Variants in WWOX observed in about 807,000 individuals in gnomAD.
The protein encoded by WWOX is WW domain containing oxidoreductase.
Under a neutral mutation model 46.2 loss-of-function variants are expected in WWOX, and 69 were observed. The observed-to-expected ratio is 1.49, with a 90% confidence interval of 1.23 to 1.82. The LOEUF is 1.82. Ranked by LOEUF, WWOX falls within the 40% of genes most tolerant of loss-of-function variation. The pLI, the probability that WWOX is intolerant of heterozygous loss-of-function variation, is 0.00. For synonymous variants in WWOX, 359 were observed against 202.6 expected, an observed-to-expected ratio of 1.77 and a Z score of -6.56; for missense variants, 919 against 542.6, an observed-to-expected ratio of 1.69 and a Z score of -6.89.
intron 1 of WWOX, among the ~76,000 whole-genome samples, chr16:78,107,921 G>GATTT (rs908591596): frequency 2.2e-4 from 33 of 151,986 alleles, no homozygotes; most frequent in East Asian, 5.8e-4. Context: ...AATGCCTCTA[G>GATTT]ATTTATTTAT....
At chr16:78,345,575 G>C (rs1174261534) in intron 5 of WWOX, among the ~76,000 whole-genome samples, 1 of 92,020 alleles carries the variant, frequency 1.1e-5, no homozygotes, top group East Asian at 2.1e-4. Flanking sequence ...GGGAAGTCAA[G>C]GCTACAGTGA....
At chr16:79,129,153 C>T (rs571510483) in intron 8 of WWOX, among the ~76,000 whole-genome samples, 76 of 151,876 alleles carry the variant, frequency 5.0e-4, no homozygotes, top group Non-Finnish European at 1.0e-3. Flanking sequence ...TCTCAGTAGG[C>T]ACTGTTCAAG....
intron 8 of WWOX, among the ~76,000 whole-genome samples, chr16:79,040,327 T>C (rs1036192273): frequency 6.8e-6 from 1 of 147,580 alleles, no homozygotes; most frequent in Non-Finnish European, 1.5e-5. Flanking sequence ...CAGACTGGAG[T>C]GCGGTGGTGC....
At chr16:79,006,506 CT>C (rs1049594059) in intron 8 of WWOX, among the ~76,000 whole-genome samples, 432 of 146,570 alleles carry the variant, frequency 2.9e-3, no homozygotes, top group Admixed American at 6.4e-3. Flanking sequence ...CTGAGTTACG[CT>C]TTTTTTTTTT....
intron 5 of WWOX, among the ~76,000 whole-genome samples, chr16:78,330,128 TGCCTAAAC>T (rs1289097941): frequency 6.6e-6 from 1 of 152,164 alleles, no homozygotes; most frequent in Non-Finnish European, 1.5e-5. Context: ...AATACCTAAA[TGCCTAAAC>T]GTTTGAAAAC....
intron 8 of WWOX, among the ~76,000 whole-genome samples, chr16:78,985,430 C>G (rs2046765648): frequency 6.6e-6 from 1 of 152,100 alleles, no homozygotes. Context: ...ACATCTCTGG[C>G]TAGTACAGAT....
chr16:78,418,431 G>A (rs1235535013), intron 6 of WWOX, among the ~76,000 whole-genome samples: 1 of 151,594 alleles, frequency 6.6e-6, no homozygotes, highest in Non-Finnish European at 1.5e-5. Flanking sequence ...CAGAAGAGGA[G>A]GAAACACTTT....
intron 8 of WWOX, among the ~76,000 whole-genome samples, chr16:78,825,011 C>G (rs981283076): frequency 1.3e-5 from 2 of 152,152 alleles, no homozygotes; most frequent in African/African-American, 4.8e-5. Flanking sequence ...ACAAAGTGCT[C>G]TGTGGTTTCT....
intron 8 of WWOX, among the ~76,000 whole-genome samples, chr16:78,819,221 C>G (rs967099264): frequency 6.6e-6 from 1 of 152,120 alleles, no homozygotes; most frequent in Non-Finnish European, 1.5e-5. Flanking sequence ...GCTCAGCAGG[C>G]CAGTTGTCTT....
chr16:78,888,648 T>C (rs1465528767), intron 8 of WWOX, among the ~76,000 whole-genome samples: 2 of 152,154 alleles, frequency 1.3e-5, no homozygotes, highest in African/African-American at 4.8e-5. Context: ...CTTATTTTTA[T>C]GTTGCCACTA....
At chr16:78,560,501 G>C (rs188955007) in intron 8 of WWOX, among the ~76,000 whole-genome samples, 1 of 152,022 alleles carries the variant, frequency 6.6e-6, no homozygotes, top group Non-Finnish European at 1.5e-5. Flanking sequence ...AAAATTAGCC[G>C]GGTGTGGCGG....
At chr16:78,452,732 C>G (rs2083722606) in intron 8 of WWOX, among the ~76,000 whole-genome samples, 1 of 151,718 alleles carries the variant, frequency 6.6e-6, no homozygotes, top group Admixed American at 6.6e-5. Context: ...CTGCCTTGGC[C>G]TCCCGAAGTG....
intron 8 of WWOX, chr16:79,004,230 C>T (rs1015400873): frequency 1.3e-5 from 2 of 152,156 alleles, no homozygotes; most frequent in African/African-American, 4.8e-5. Flanking sequence ...CCACATCTAG[C>T]AATAGAAGGC....
chr16:78,113,329 A>G (rs1215062177), intron 3 of WWOX, among the ~76,000 whole-genome samples: 1 of 152,222 alleles, frequency 6.6e-6, no homozygotes, highest in Non-Finnish European at 1.5e-5. Flanking sequence ...CTTTGCCTGT[A>G]AAGGGCTAGA....
At chr16:78,622,705 A>G (rs113017743) in intron 8 of WWOX, among the ~76,000 whole-genome samples, 4,659 of 152,226 alleles carry the variant, frequency 0.031, 258 homozygotes, top group African/African-American at 0.11. Context: ...CTTCTGACCA[A>G]TAGAATATGA....
rs75803203 is a variant in WWOX, at chr16:79,168,038, A to G, written c.1057-43570A>G. Among the ~76,000 whole-genome samples, 11 of 152,292 alleles carry G rather than the reference A, an allele frequency of 7.2e-5. No homozygotes were observed. The East Asian group carries it at 2.1e-3, about 29-fold the overall frequency. ...AGCATGCTGTTTCCAAGGCTTGTCT[A>G]AGTTGTGGCATGTGTCAGTACTTTA... On this transcript the variant is annotated intron_variant, in intron 8 of 8. Coordinates refer to ENST00000566780, the MANE Select transcript of WWOX (RefSeq NM_016373.4).
chr16:78,146,820 G>A (rs2034215467), intron 4 of WWOX, among the ~76,000 whole-genome samples: 1 of 152,190 alleles, frequency 6.6e-6, no homozygotes, highest in African/African-American at 2.4e-5. Flanking sequence ...GATTCGGTGT[G>A]TTTTGTTCCG....
chr16:79,188,739 C>T (rs2051069347), intron 8 of WWOX, among the ~76,000 whole-genome samples: 1 of 152,188 alleles, frequency 6.6e-6, no homozygotes, highest in Admixed American at 6.5e-5. Flanking sequence ...GAATTGCCAC[C>T]TTTATTTCCA....
chr16:78,160,499 A>G (rs1316448867), intron 4 of WWOX, among the ~76,000 whole-genome samples: 3 of 152,108 alleles, frequency 2.0e-5, no homozygotes, highest in African/African-American at 4.8e-5. Context: ...TTAAGTTTGT[A>G]TATGTGTTTG....
Sources: allele counts gnomAD v4.1 joint callset (sites outside exome capture counted in the v4.1 genomes callset), GRCh38; gene constraint gnomAD v4.1.1; transcripts MANE v1.5; gene names NCBI Gene and HGNC (gene_info 2026-07-23, HGNC 2026-07-21).